The following GLS variants were observed in gnomAD, a reference collection of about 807,000 sequenced individuals.
GLS encodes glutaminase.
In GLS, 36 loss-of-function variants were observed where a neutral mutation model predicts 86.7. The observed-to-expected ratio is 0.42, with a 90% confidence interval of 0.32 to 0.55. GLS has a LOEUF of 0.55. Ranked by LOEUF, GLS falls within the 20% of genes least tolerant of loss-of-function variation. The pLI is 0.17. For synonymous variants in GLS, 317 were observed against 305.9 expected (o/e 1.04, Z -0.38); for missense variants, 528 against 833.4 (o/e 0.63, Z 4.51).
chr2:190,888,132 G>GA (rs1359101092), intron 1 of GLS, among the ~76,000 whole-genome samples: 5 of 152,070 alleles, frequency 3.3e-5, no homozygotes, highest in African/African-American at 7.2e-5. Flanking sequence ...AAAATCAAAG[G>GA]AACCACATCT....
At chr2:190,945,915 T>C (rs377612605) in intron 14 of GLS, among the ~76,000 whole-genome samples, 2 of 152,310 alleles carry the variant, frequency 1.3e-5, no homozygotes, top group African/African-American at 4.8e-5. Context: ...CATGAATTTA[T>C]TGAATTGCTA....
At chr2:190,959,331 G>A (rs991835289) in intron 17 of GLS, among the ~76,000 whole-genome samples, 1 of 150,938 alleles carries the variant, frequency 6.6e-6, no homozygotes, top group Admixed American at 6.6e-5. Flanking sequence ...CACGTGAGAT[G>A]GATCTCCTGA....
chr2:190,937,251 CTTAGAAATGGAAGGAATTTAA>C (rs1489715187), intron 14 of GLS, among the ~76,000 whole-genome samples: 24 of 151,276 alleles, frequency 1.6e-4, no homozygotes, highest in South Asian at 4.1e-4. Context: ...GTTAACATTG[CTTAGAAATGGAAGGAATTTAA>C]TTAGAAATGG....
rs760104599 is a variant in GLS at position 190,921,311 on chromosome 2, C to T, written c.1130+108C>T. The T allele has an allele frequency of 9.8e-5, 79 of 806,658 alleles. No homozygotes were observed. The highest frequency in any genetic ancestry group is 1.5e-4 in the Non-Finnish European group (69 of 471,510). 50.0% of individuals were successfully genotyped at this position (806,658 alleles called of 1,614,324 possible). A position where few individuals can be genotyped will look rare whatever the true frequency, so the allele number is the denominator to read the frequency against. ...AATGAATGATTTCTAAATTACCTGA[C>T]AGAAACACTTAAAAATACTTTAAAT... On this transcript the variant is annotated intron_variant, in intron 9 of 17. Coordinates refer to ENST00000320717, the MANE Select transcript of GLS (RefSeq NM_014905.5). This position sits in a 1 kb window ranked among gnomAD's most constrained non-coding sequence, Gnocchi z 4.2.
At chr2:190,887,117 C>G (rs182362027) in intron 1 of GLS, among the ~76,000 whole-genome samples, 137 of 152,210 alleles carry the variant, frequency 9.0e-4, no homozygotes, top group Non-Finnish European at 1.3e-3. Flanking sequence ...ACCTTTAAGT[C>G]ATTTGCTAGT....
intron 7 of GLS, among the ~76,000 whole-genome samples, chr2:190,918,025 T>A (rs946318546): frequency 6.6e-6 from 1 of 152,184 alleles, no homozygotes; most frequent in African/African-American, 2.4e-5. Flanking sequence ...AGGCTTGTTA[T>A]AAGCCCAGGC....
intron 14 of GLS, chr2:190,934,002 T>C: frequency 1.0e-6 from 1 of 959,394 alleles, no homozygotes. Context: ...CAAGTAATTA[T>C]TCATAGTATT....
intron 17 of GLS, among the ~76,000 whole-genome samples, chr2:190,961,623 A>AAG (rs1215744891): frequency 1.3e-5 from 2 of 151,946 alleles, no homozygotes; most frequent in Admixed American, 1.3e-4. Flanking sequence ...GATGACTCAA[A>AAG]AGTCTGTTTC....
intron 1 of GLS, among the ~76,000 whole-genome samples, chr2:190,891,275 C>T (rs981695810): frequency 9.2e-5 from 14 of 152,024 alleles, no homozygotes; most frequent in African/African-American, 3.4e-4. Context: ...CACAACCTTA[C>T]TTTAGGGATC....
At chr2:190,898,672 C>T (rs1031332129) in intron 3 of GLS, among the ~76,000 whole-genome samples, 4 of 152,122 alleles carry the variant, frequency 2.6e-5, no homozygotes, top group African/African-American at 7.2e-5. Flanking sequence ...GCTCTTGTTG[C>T]CCAGGCTGGA....
At chr2:190,886,010 CT>C (rs112704115) in intron 1 of GLS, among the ~76,000 whole-genome samples, 2,228 of 151,902 alleles carry the variant, frequency 0.015, 56 homozygotes, top group African/African-American at 0.049. Flanking sequence ...GTAGCTGGGA[CT>C]TACAGGCACG....
intron 11 of GLS, among the ~76,000 whole-genome samples, chr2:190,925,035 TCATGTC>T (rs1185610123): frequency 6.6e-6 from 1 of 152,228 alleles, no homozygotes; most frequent in Non-Finnish European, 1.5e-5. Context: ...AAAGGCAGTC[TCATGTC>T]CATGCATGTT....
intron 6 of GLS, among the ~76,000 whole-genome samples, chr2:190,908,487 A>G (rs775811928): frequency 6.6e-6 from 1 of 152,222 alleles, no homozygotes; most frequent in Non-Finnish European, 1.5e-5. Flanking sequence ...ATGTTCATAA[A>G]TTTCAGATGT....
chr2:190,880,908 A>AGCAGCACCC lies in GLS; in HGVS notation c.-171_-170insCCCGCAGCA. 6 of 826,906 alleles carry AGCAGCACCC rather than the reference A, an allele frequency of 7.3e-6. 2 individuals are homozygous for AGCAGCACCC. The highest frequency in any genetic ancestry group is 1.1e-5 in the Non-Finnish European group (6 of 539,656). 51.2% of individuals were successfully genotyped at this position (826,906 alleles called of 1,614,324 possible). A position where few individuals can be genotyped will look rare whatever the true frequency, so the allele number is the denominator to read the frequency against. ...CAGCAGCAGCAGCAGCAGCAGCAGC[A>AGCAGCACCC]GCAGCAGCAGCACCCGCATCCGCTG... On this transcript the variant is annotated 5_prime_UTR_variant, in exon 1 of 18. Transcript: ENST00000320717.
Position 190,964,486 on chromosome 2 carries a change from G to A in GLS, c.*1500G>A, listed in dbSNP as rs1032126086. On this transcript the variant is annotated 3_prime_UTR_variant, in exon 18 of 18. Transcript: ENST00000320717. The surrounding 1 kb of genome is among the most constrained non-coding windows in gnomAD (Gnocchi z 5.2). Reference sequence around the variant, plus strand: ...TGCTTCTAAACTTTACATGCCTGATGGCACCTTACTCCAGCAGCCTCCAGG... The same window carrying A: ...TGCTTCTAAACTTTACATGCCTGATAGCACCTTACTCCAGCAGCCTCCAGG... The A allele has an allele frequency of 2.6e-5, 4 of 151,964 alleles. No individual in the cohort carries two copies. Among genetic ancestry groups the A allele is most frequent in the Admixed American group, 6.6e-5 (1 of 15,248 alleles). The allele number at this position is 151,964 out of a possible 1,614,324, so 9.4% of individuals were successfully genotyped here. A position where few individuals can be genotyped will look rare whatever the true frequency, so the allele number is the denominator to read the frequency against.
chr2:190,925,005 C>CT (rs1689853866), intron 11 of GLS, among the ~76,000 whole-genome samples: 1 of 152,158 alleles, frequency 6.6e-6, no homozygotes, highest in Non-Finnish European at 1.5e-5. Context: ...TTTCCATTGA[C>CT]TTTCAAAAAT....
intron 17 of GLS, among the ~76,000 whole-genome samples, chr2:190,959,309 T>C (rs1253771300): frequency 1.3e-5 from 2 of 152,004 alleles, no homozygotes; most frequent in African/African-American, 4.8e-5. Context: ...TTTGAGCCTA[T>C]GTGTGTCTTT....
At chr2:190,936,078 G>T (rs1455302183) in intron 14 of GLS, among the ~76,000 whole-genome samples, 1 of 151,090 alleles carries the variant, frequency 6.6e-6, no homozygotes, top group Non-Finnish European at 1.5e-5. Flanking sequence ...TTTAAATGAA[G>T]TTCTTTTAGA....
intron 14 of GLS, among the ~76,000 whole-genome samples, chr2:190,952,873 CTT>C (rs1440184485): frequency 1.3e-5 from 2 of 152,164 alleles, no homozygotes; most frequent in African/African-American, 4.8e-5. Flanking sequence ...GACTTTTCCT[CTT>C]AACTATAAGA....
Sources: gnomAD v4.1 joint callset for allele counts (sites outside exome capture counted in the v4.1 genomes callset) on GRCh38, gnomAD v4.1.1 for gene constraint, Gnocchi (gnomAD v3.1) non-coding constraint, MANE v1.5 for transcripts, NCBI Gene and HGNC (gene_info 2026-07-23, HGNC 2026-07-21) for gene names.